DLGAP2: variants seen among roughly 807,000 people sequenced by gnomAD.
The protein encoded by DLGAP2 is DLG associated protein 2.
Under a neutral mutation model 100.3 loss-of-function variants are expected in DLGAP2, and 26 were observed. The observed-to-expected ratio is 0.26, with a 90% CI of 0.19 to 0.36. DLGAP2 has a LOEUF of 0.36. Among genes scored for constraint, DLGAP2 ranks in the 10% least tolerant of loss-of-function variants. The pLI, the probability that DLGAP2 is intolerant of heterozygous loss-of-function variation, is 1.00. For synonymous variants in DLGAP2, 886 were observed against 630.1 expected (o/e 1.41, Z -6.08); for missense variants, 1,858 against 1,453.2 (o/e 1.28, Z -4.53).
intron 8 of DLGAP2, among the ~76,000 whole-genome samples, chr8:1,647,720 C>T (rs1268934770): frequency 6.6e-6 from 1 of 152,170 alleles, no homozygotes; most frequent in African/African-American, 2.4e-5. Flanking sequence ...GCTGCCAGTC[C>T]CCTGCCGGGT....
intron 3 of DLGAP2, among the ~76,000 whole-genome samples, chr8:1,334,864 C>T (rs1020440257): frequency 2.6e-5 from 4 of 152,172 alleles, no homozygotes; most frequent in East Asian, 1.9e-4. Context: ...TTGCCTCTCT[C>T]GCCTCTTTCC....
At chr8:1,218,052 T>C (rs1357276247) in intron 2 of DLGAP2, among the ~76,000 whole-genome samples, 1 of 152,204 alleles carries the variant, frequency 6.6e-6, no homozygotes, top group Admixed American at 6.5e-5. Flanking sequence ...AAGTTGTCTG[T>C]TTGCTCTGTT....
At chr8:975,527 C>T (rs746153919) in intron 2 of DLGAP2, among the ~76,000 whole-genome samples, 13 of 152,228 alleles carry the variant, frequency 8.5e-5, no homozygotes, top group Admixed American at 3.3e-4. Context: ...AATCTAACAA[C>T]GTATAAAAAT....
intron 2 of DLGAP2, among the ~76,000 whole-genome samples, chr8:1,228,063 C>T (rs1328277274): frequency 1.3e-5 from 2 of 151,718 alleles, no homozygotes; most frequent in Admixed American, 1.3e-4. Flanking sequence ...GAACATCACA[C>T]ACTGGGGCCT....
chr8:1,520,163 C>A (rs572714045), intron 4 of DLGAP2, among the ~76,000 whole-genome samples: 27 of 152,136 alleles, frequency 1.8e-4, no homozygotes, highest in African/African-American at 6.3e-4. Context: ...GATTATCTGA[C>A]GAGATCAATG....
intron 2 of DLGAP2, among the ~76,000 whole-genome samples, chr8:1,122,991 C>T (rs930505317): frequency 5.3e-5 from 8 of 152,196 alleles, no homozygotes; most frequent in Non-Finnish European, 1.0e-4. Context: ...TCAGGAGATA[C>T]AGTTAAACTC....
chr8:1,181,268 C>G (rs1384984068), intron 2 of DLGAP2, among the ~76,000 whole-genome samples: 1 of 149,346 alleles, frequency 6.7e-6, no homozygotes, highest in Non-Finnish European at 1.5e-5. Context: ...GTGGGTGGCA[C>G]ACATCGTGTG....
chr8:799,959 G>A (rs1195487057), intron 1 of DLGAP2, among the ~76,000 whole-genome samples: 1 of 152,184 alleles, frequency 6.6e-6, no homozygotes, highest in Non-Finnish European at 1.5e-5. Flanking sequence ...TGCAGTGATT[G>A]GATTCGCATT....
At position 1,342,761 on chromosome 8, in the gene DLGAP2, T is replaced by C. The variant is rs190130356; in HGVS notation, c.106+83878T>C. On this transcript the variant is annotated intron_variant, in intron 3 of 14. Transcript: ENST00000637795. ...AAATTAACAAGCTTGTGAAATGCGGTGTGTGTGTTGAAGTGCCGGAAAGAC... is the reference window on the plus strand; with the variant it reads ...AAATTAACAAGCTTGTGAAATGCGGCGTGTGTGTTGAAGTGCCGGAAAGAC... Among the ~76,000 whole-genome samples, 357 of 152,274 alleles carry C rather than the reference T, an allele frequency of 2.3e-3. 1 individual carries two copies. Among genetic ancestry groups the C allele is most frequent in the African/African-American group, 8.0e-3 (332 of 41,550 alleles).
At chr8:1,038,487 G>A (rs1478375511) in intron 2 of DLGAP2, among the ~76,000 whole-genome samples, 1 of 152,206 alleles carries the variant, frequency 6.6e-6, no homozygotes, top group African/African-American at 2.4e-5. Flanking sequence ...GTTCAGTACT[G>A]AATTGGACAT....
chr8:1,381,552 T>C (rs139287843), intron 3 of DLGAP2, among the ~76,000 whole-genome samples: 5 of 152,274 alleles, frequency 3.3e-5, no homozygotes, highest in African/African-American at 7.2e-5. Context: ...GACTTGAATT[T>C]ATATCCTTTG....
intron 2 of DLGAP2, among the ~76,000 whole-genome samples, chr8:1,172,784 T>G (rs1797156926): frequency 6.6e-6 from 1 of 152,174 alleles, no homozygotes. Context: ...TATACATTCT[T>G]CTAAATTTTT....
In DLGAP2 at chr8:998,271, G is replaced by A. The variant is rs987071734; in HGVS notation, c.73+90305G>A. Among the ~76,000 whole-genome samples, 6 of 152,272 alleles carry A rather than the reference G, an allele frequency of 3.9e-5. 1 individual carries two copies. The Middle Eastern group carries it at 0.02, about 518-fold the overall frequency. ...CTGTGTCATGTCATACAACTCCTCA[G>A]CTCCTACAGAGGCTCATCTTTACTT... On this transcript the variant is annotated intron_variant, in intron 2 of 14. Coordinates refer to ENST00000637795, the MANE Select transcript of DLGAP2 (RefSeq NM_001346810.2).
intron 3 of DLGAP2, among the ~76,000 whole-genome samples, chr8:1,357,855 C>A (rs537070226): frequency 1.3e-5 from 2 of 152,246 alleles, no homozygotes; most frequent in African/African-American, 4.8e-5. Flanking sequence ...GGGGGCAGGT[C>A]CCCATGGGGA....
At chr8:1,332,242 G>A (rs887479312) in intron 3 of DLGAP2, among the ~76,000 whole-genome samples, 1 of 152,170 alleles carries the variant, frequency 6.6e-6, no homozygotes, top group African/African-American at 2.4e-5. Flanking sequence ...CTGCATATGT[G>A]AGTATATGCA....
At chr8:1,196,701 C>T (rs1797758841) in intron 2 of DLGAP2, among the ~76,000 whole-genome samples, 1 of 152,102 alleles carries the variant, frequency 6.6e-6, no homozygotes, top group Non-Finnish European at 1.5e-5. Context: ...GCCATGATTT[C>T]CCAAGCAGCC....
intron 3 of DLGAP2, among the ~76,000 whole-genome samples, chr8:1,351,881 T>C (rs1373923641): frequency 1.2e-5 from 1 of 82,526 alleles, no homozygotes; most frequent in Non-Finnish European, 2.5e-5. Flanking sequence ...CCTGACTGTG[T>C]TTGGAAAGGC....
intron 1 of DLGAP2, among the ~76,000 whole-genome samples, chr8:743,577 T>A (rs1820540743): frequency 6.6e-6 from 1 of 152,208 alleles, no homozygotes; most frequent in Non-Finnish European, 1.5e-5. Context: ...ATTTACTTAC[T>A]TATTTAGAGA....
chr8:985,835 A>C (rs904609492), intron 2 of DLGAP2, among the ~76,000 whole-genome samples: 1 of 152,200 alleles, frequency 6.6e-6, no homozygotes, highest in African/African-American at 2.4e-5. Context: ...CAAGGACCAC[A>C]GGCACAGGAG....
Sources: allele counts gnomAD v4.1 joint callset (sites outside exome capture counted in the v4.1 genomes callset), GRCh38; gene constraint gnomAD v4.1.1; transcripts MANE v1.5; gene names NCBI Gene and HGNC (gene_info 2026-07-23, HGNC 2026-07-21).